MICU2: variants seen among roughly 807,000 people sequenced by gnomAD.
The protein encoded by MICU2 is mitochondrial calcium uptake 2, also known as calcium uptake protein 2, mitochondrial.
A neutral mutation model predicts 60.4 loss-of-function variants in MICU2; 64 were observed. The observed-to-expected ratio is 1.06, with a 90% CI of 0.87 to 1.31. MICU2 has a LOEUF of 1.31. Among genes scored for constraint, MICU2 ranks in the 50% most tolerant of loss-of-function variants. MICU2 has a pLI of 0.00. For missense variants in MICU2, 569 were observed against 531.0 expected, an observed-to-expected ratio of 1.07 and a Z score of -0.70; for synonymous variants, 201 against 175.0, an observed-to-expected ratio of 1.15 and a Z score of -1.17.
intron 2 of MICU2, among the ~76,000 whole-genome samples, chr13:21,558,571 G>T (rs759113271): frequency 1.2e-4 from 18 of 152,070 alleles, no homozygotes; most frequent in Non-Finnish European, 1.9e-4. Flanking sequence ...TGGTGAAGTC[G>T]GTTTCTTTGG....
chr13:21,505,004 A>AT (rs112345640), intron 8 of MICU2, among the ~76,000 whole-genome samples: 7 of 152,288 alleles, frequency 4.6e-5, no homozygotes, highest in African/African-American at 1.7e-4. Context: ...GTATTTCAGA[A>AT]TTTTTAACAA....
At chr13:21,579,907 A>G (rs764938187) in intron 1 of MICU2, among the ~76,000 whole-genome samples, 1 of 152,224 alleles carries the variant, frequency 6.6e-6, no homozygotes, top group Non-Finnish European at 1.5e-5. Context: ...TTTGCAGTAT[A>G]ACGACGGAAA....
chr13:21,536,078 T>G (rs1435930442), intron 4 of MICU2, among the ~76,000 whole-genome samples: 1 of 152,162 alleles, frequency 6.6e-6, no homozygotes, highest in Non-Finnish European at 1.5e-5. Flanking sequence ...ATAGGGATGT[T>G]CTGGTGCTAT....
intron 2 of MICU2, among the ~76,000 whole-genome samples, chr13:21,565,777 G>A (rs1887966727): frequency 6.6e-6 from 1 of 152,226 alleles, no homozygotes; most frequent in South Asian, 2.1e-4. Context: ...AGGTTGCAGT[G>A]AGCTGAGATC....
intron 11 of MICU2, 145 bp from the exon 12 acceptor site, chr13:21,493,498 C>A (rs1452165737): frequency 5.1e-6 from 3 of 583,244 alleles, no homozygotes; most frequent in Non-Finnish European, 8.6e-6. Context: ...ATGATCACAA[C>A]AGAACTGAAA....
intron 11 of MICU2, 83 bp from the exon 12 acceptor site, chr13:21,493,436 T>C: frequency 6.4e-6 from 6 of 943,910 alleles, no homozygotes; most frequent in Non-Finnish European, 9.4e-6. Context: ...TACTGTTTAT[T>C]TCCTTCCCAC....
At chr13:21,601,045 C>T (rs935034328) in intron 1 of MICU2, among the ~76,000 whole-genome samples, 16 of 152,234 alleles carry the variant, frequency 1.1e-4, no homozygotes, top group East Asian at 1.9e-4. Context: ...ATCCGCCCAT[C>T]TCGGCCTCCC....
At position 21,590,355 on chromosome 13, in the gene MICU2, C is replaced by G. The variant is rs144876618; in HGVS notation, c.210+13584G>C. ...ATTCAGCCAAAGTAAGCTCCATAAG[C>G]GAAGGAGAAATAAAATCCTTTCCAG... On this transcript the variant is annotated intron_variant, in intron 1 of 11. Transcript: ENST00000382374. Among the ~76,000 whole-genome samples, 886 of 152,238 alleles carry G rather than the reference C, an allele frequency of 5.8e-3. 9 individuals are homozygous for G. Among genetic ancestry groups the G allele is most frequent in the African/African-American group, 0.019 (806 of 41,528 alleles).
At chr13:21,498,549 T>C (rs1593312348) in intron 9 of MICU2, among the ~76,000 whole-genome samples, 2 of 152,098 alleles carry the variant, frequency 1.3e-5, no homozygotes, top group Non-Finnish European at 2.9e-5. Context: ...CGGCTAATTT[T>C]TGTATTTTCA....
chr13:21,535,641 A>C (rs1887112369), intron 4 of MICU2, among the ~76,000 whole-genome samples: 1 of 151,138 alleles, frequency 6.6e-6, no homozygotes, highest in African/African-American at 2.4e-5. Flanking sequence ...GTTAATATTA[A>C]ATCTTACAAA....
chr13:21,592,032 T>TA (rs1888594851), intron 1 of MICU2, among the ~76,000 whole-genome samples: 1 of 130,700 alleles, frequency 7.7e-6, no homozygotes, highest in African/African-American at 2.6e-5. Context: ...TTGAAGGAGA[T>TA]AGAGACAAGA....
chr13:21,524,686 T>C (rs1362390707), intron 4 of MICU2, among the ~76,000 whole-genome samples: 2 of 152,236 alleles, frequency 1.3e-5, no homozygotes, highest in African/African-American at 4.8e-5. Context: ...ATTAAGTACA[T>C]TCACGCTGTT....
chr13:21,584,939 C>T (rs115170240), intron 1 of MICU2, among the ~76,000 whole-genome samples: 49 of 152,218 alleles, frequency 3.2e-4, no homozygotes, highest in African/African-American at 1.1e-3. Flanking sequence ...CAAGAACAAA[C>T]AGTAATATTT....
chr13:21,591,439 C>T (rs1266317641), intron 1 of MICU2, among the ~76,000 whole-genome samples: 1 of 152,210 alleles, frequency 6.6e-6, no homozygotes, highest in South Asian at 2.1e-4. Flanking sequence ...GGACTTTTAA[C>T]ACCCCACTGT....
chr13:21,547,394 A>G (rs1458497083), intron 2 of MICU2, among the ~76,000 whole-genome samples: 1 of 152,132 alleles, frequency 6.6e-6, no homozygotes, highest in African/African-American at 2.4e-5. Flanking sequence ...TTCTTCACAT[A>G]TCCTCTGTGA....
At chr13:21,507,390 C>T (rs865975370) in intron 8 of MICU2, among the ~76,000 whole-genome samples, 29 of 151,968 alleles carry the variant, frequency 1.9e-4, no homozygotes, top group African/African-American at 6.8e-4. Context: ...AGTAATATGA[C>T]AATATCAGTA....
intron 3 of MICU2, 54 bp downstream of exon 3, chr13:21,539,603 T>C: frequency 6.2e-7 from 1 of 1,612,132 alleles, no homozygotes; most frequent in South Asian, 1.1e-5. Context: ...CGGCCAAAAG[T>C]TCATTTTCTA....
intron 4 of MICU2, among the ~76,000 whole-genome samples, chr13:21,523,795 A>G (rs1056177355): frequency 1.3e-5 from 2 of 152,224 alleles, no homozygotes; most frequent in African/African-American, 4.8e-5. Context: ...TCTGATGCAA[A>G]TGCTGGATCA....
intron 8 of MICU2, among the ~76,000 whole-genome samples, chr13:21,505,510 A>G (rs1566140196): frequency 6.6e-6 from 1 of 152,232 alleles, no homozygotes; most frequent in Non-Finnish European, 1.5e-5. Context: ...ACAGAATTAA[A>G]TTACACTGTG....
Sources: allele counts gnomAD v4.1 joint callset (sites outside exome capture counted in the v4.1 genomes callset), GRCh38; gene constraint gnomAD v4.1.1; transcripts MANE v1.5; gene names NCBI Gene and HGNC (gene_info 2026-07-23, HGNC 2026-07-21).